Variants in DDX23 observed in about 807,000 individuals in gnomAD.
DDX23 encodes DEAD-box helicase 23.
In DDX23, 33 loss-of-function variants were observed where a neutral mutation model predicts 102.7. The observed-to-expected ratio is 0.32, with a 90% CI of 0.24 to 0.43. The LOEUF is 0.43. Among genes scored for constraint, DDX23 ranks in the 20% least tolerant of loss-of-function variants. The pLI is 1.00. For missense variants in DDX23, 549 were observed against 1,086.6 expected, an observed-to-expected ratio of 0.51 and a Z score of 6.96; for synonymous variants, 352 against 376.0, an observed-to-expected ratio of 0.94 and a Z score of 0.74.
rs953240646 is a variant in DDX23 at position 48,832,882 on chromosome 12, C to A, written c.1804-309G>T. 1.1e-5 allele frequency: 5 copies of A among 466,748 alleles called. No homozygotes were observed. In the South Asian group the frequency reaches 1.3e-4, roughly 12 times the overall value. The allele number at this position is 466,748 out of a possible 1,614,324, so 28.9% of individuals were successfully genotyped here. A position where few individuals can be genotyped will look rare whatever the true frequency, so the allele number is the denominator to read the frequency against. On this transcript the variant is annotated intron_variant, in intron 13 of 16. Transcript: ENST00000308025. The surrounding 1 kb of genome is among the most constrained non-coding windows in gnomAD (Gnocchi z 4.4). ...AAGCTAAATGGCTCCACCCTTAGGA[C>A]TGTCAGAGGACTGTACCTAGGCACA...
chr12:48,840,289 T>C, intron 3 of DDX23, 183 bp from the exon 4 acceptor site: 1 of 670,228 alleles, frequency 1.5e-6, no homozygotes, highest in South Asian at 1.5e-5. Flanking sequence ...GAAACCTAAT[T>C]ATGGCCCTGT....
At position 48,830,344 on chromosome 12, in the gene DDX23, T is replaced by G; in HGVS notation, c.*125A>C. The G allele has an allele frequency of 8.6e-7, 1 of 1,161,144 alleles. No homozygotes were observed. Among genetic ancestry groups the G allele is most frequent in the Non-Finnish European group, 1.3e-6 (1 of 791,164 alleles). 71.9% of individuals were successfully genotyped at this position (1,161,144 alleles called of 1,614,324 possible). On this transcript the variant is annotated 3_prime_UTR_variant, in exon 17 of 17. Transcript: ENST00000308025. This position sits in a 1 kb window ranked among gnomAD's most constrained non-coding sequence, Gnocchi z 4.9. ...TGACCTGAGGGTCTGGGCTAGGGAG[T>G]TGGATTGTTTTCCTAAGCCCCCATA...
Position 48,834,325 on chromosome 12 carries a change from A to G in DDX23, c.1555T>C (p.Cys519Arg). The G allele has an allele frequency of 6.2e-7, 1 of 1,610,976 alleles. No homozygotes were observed. The highest frequency in any genetic ancestry group is 8.5e-7 in the Non-Finnish European group (1 of 1,178,624). ...TGCTAGATAGAAAAACAAACCTCAC[A>G]ACCCATGCGCAGCCTGAAGCCCTGG... Reference protein sequence around the residue: ...EDQGFRLRMGCEIVIATPGRL... With the variant: ...EDQGFRLRMGREIVIATPGRL... Residue 519 changes from cysteine (C) to arginine (R), a missense_variant, in exon 12 of 17, where the codon TGT (cysteine) becomes CGT (arginine). By Grantham distance (180) the Cys-to-Arg change is radical. Around this residue, in one of 4 missense-constraint regions of DDX23, gnomAD observed 270 missense variants for 707.0 expected, o/e 0.38. Transcript: ENST00000308025.
intron 1 of DDX23, among the ~76,000 whole-genome samples, chr12:48,846,636 T>C (rs1938672628): frequency 6.6e-6 from 1 of 152,222 alleles, no homozygotes; most frequent in Non-Finnish European, 1.5e-5. Context: ...TGGGAAGAAC[T>C]TGGTGAAGGG....
chr12:48,837,988 CTCT>C lies in DDX23; in HGVS notation c.570_572del (p.Glu191del). 6.2e-7 allele frequency: 1 copy of C among 1,613,974 alleles called. No homozygotes were observed. The highest frequency in any genetic ancestry group is 8.5e-7 in the Non-Finnish European group (1 of 1,180,036). ...CTTGGAACTGTTTCCTTTTCTTCCT[CTCT>C]TCTTCAAGCATCCTCTGCCGCTCTT... is the stretch of plus-strand genomic sequence containing the variant. On this transcript the variant is annotated inframe_deletion, in exon 6 of 17. Transcript: ENST00000308025.
At chr12:48,845,544 C>A in intron 2 of DDX23, 30 bp downstream of exon 2, 2 of 1,612,480 alleles carry the variant, frequency 1.2e-6, no homozygotes, top group Non-Finnish European at 1.7e-6. Context: ...ACTCTCCCTT[C>A]CCATGTAATA....
intron 2 of DDX23, among the ~76,000 whole-genome samples, chr12:48,845,224 C>A (rs1403227026): frequency 6.6e-6 from 1 of 150,904 alleles, no homozygotes; most frequent in Non-Finnish European, 1.5e-5. Context: ...GAGGCTGAAG[C>A]AGGCAGATCA....
At chr12:48,837,233 G>C in intron 8 of DDX23, 48 bp downstream of exon 8, 2 of 1,594,046 alleles carry the variant, frequency 1.3e-6, no homozygotes, top group South Asian at 2.2e-5. Context: ...CAGCTCTCTA[G>C]GACTGCCTAG....
In DDX23 at chr12:48,830,327, G is replaced by T; in HGVS notation, c.*142C>A. The stretch of plus-strand genomic sequence containing the variant: ...CCCACACGCAGGCCTCCTGACCTGA[G>T]GGTCTGGGCTAGGGAGTTGGATTGT... On this transcript the variant is annotated 3_prime_UTR_variant, in exon 17 of 17. Coordinates refer to ENST00000308025, the MANE Select transcript of DDX23 (RefSeq NM_004818.3). This position sits in a 1 kb window ranked among gnomAD's most constrained non-coding sequence, Gnocchi z 4.9. The T allele has an allele frequency of 9.7e-7, 1 of 1,035,714 alleles. No individual in the cohort carries two copies. 64.2% of individuals were successfully genotyped at this position (1,035,714 alleles called of 1,614,324 possible).
chr12:48,838,851 T>TCAAA (rs555090708), intron 5 of DDX23, among the ~76,000 whole-genome samples: 189 of 152,134 alleles, frequency 1.2e-3, no homozygotes, highest in Non-Finnish European at 2.0e-3. Flanking sequence ...AGACTCCATC[T>TCAAA]CAAACAAACA....
chr12:48,846,155 G>A (rs1398186866), intron 1 of DDX23, among the ~76,000 whole-genome samples: 1 of 151,940 alleles, frequency 6.6e-6, no homozygotes. Context: ...TTTATAGACA[G>A]GGTCTCACTA....
chr12:48,837,757 A>T, intron 6 of DDX23, 100 bp from the exon 7 acceptor site: 2 of 1,553,710 alleles, frequency 1.3e-6, no homozygotes, highest in Non-Finnish European at 1.7e-6. Context: ...GAAGAAAAAA[A>T]GGGGTAGACT....
At chr12:48,846,535 C>T (rs189030024) in intron 1 of DDX23, among the ~76,000 whole-genome samples, 3 of 152,068 alleles carry the variant, frequency 2.0e-5, no homozygotes, top group African/African-American at 4.8e-5. Context: ...ATCTGGATTA[C>T]GTTATAATTA....
In DDX23 at chr12:48,850,982, G is replaced by A. The variant is rs533886845; in HGVS notation, c.-1+1102C>T. Among the ~76,000 whole-genome samples the A allele has an allele frequency of 2.0e-5, 3 of 152,324 alleles. No individual in the cohort carries two copies. In the South Asian group the frequency reaches 6.2e-4, roughly 32 times the overall value. On this transcript the variant is annotated intron_variant, in intron 1 of 16. Coordinates refer to ENST00000308025, the MANE Select transcript of DDX23 (RefSeq NM_004818.3). ...ATCACAAGGGCCAAATAACCAGGCT[G>A]ACTCTGGCCATGCTTCCCAGCAGCC...
chr12:48,843,635 G>A lies in DDX23; in HGVS notation c.320+305C>T, dbSNP rs1938612185. ...GTGATCTCGACTCACTGCAGGCTCC[G>A]CCTCCCGGGTTCACGCCATTCTCCT... On this transcript the variant is annotated intron_variant, in intron 3 of 16. Transcript: ENST00000308025. Among the ~76,000 whole-genome samples, 4 of 145,362 alleles carry A rather than the reference G, an allele frequency of 2.8e-5. No individual in the cohort carries two copies. In the Admixed American group the frequency reaches 2.8e-4, roughly 10 times the overall value.
intron 12 of DDX23, 165 bp from the exon 13 acceptor site, chr12:48,833,684 A>T: frequency 1.2e-6 from 1 of 818,426 alleles, no homozygotes; most frequent in Non-Finnish European, 1.9e-6. Context: ...GCATGAAATC[A>T]CTTGTTGCCT....
intron 11 of DDX23, among the ~76,000 whole-genome samples, chr12:48,835,506 T>TA (rs1324299576): frequency 1.3e-5 from 2 of 152,032 alleles, no homozygotes; most frequent in Admixed American, 1.3e-4. Flanking sequence ...GGTCAGGAGT[T>TA]AGAGACCAGC....
chr12:48,848,880 T>G (rs924335441), intron 1 of DDX23, among the ~76,000 whole-genome samples: 2 of 151,264 alleles, frequency 1.3e-5, no homozygotes, highest in African/African-American at 4.9e-5. Context: ...GCCTCCTGAG[T>G]AGTTGGGATT....
At chr12:48,840,530 G>C (rs1358139412) in intron 3 of DDX23, among the ~76,000 whole-genome samples, 1 of 151,138 alleles carries the variant, frequency 6.6e-6, no homozygotes, top group African/African-American at 2.4e-5. Context: ...AATTAGCCAG[G>C]TGTGGTTGTT....
Sources: gnomAD v4.1 joint callset for allele counts (sites outside exome capture counted in the v4.1 genomes callset) on GRCh38, gnomAD v4.1.1 for gene constraint, gnomAD v4.1.1 regional missense constraint, Gnocchi (gnomAD v3.1) non-coding constraint, MANE v1.5 for transcripts, NCBI Gene and HGNC (gene_info 2026-07-23, HGNC 2026-07-21) for gene names.